Variants in AFG1L observed in about 807,000 individuals in gnomAD.
The protein encoded by AFG1L is AFG1 like ATPase.
In AFG1L, 53 loss-of-function variants were observed where a neutral mutation model predicts 62.2. That is an observed-to-expected ratio of 0.85 (90% confidence interval 0.68 to 1.07). The LOEUF (loss-of-function observed/expected upper bound fraction) is 1.07. AFG1L is among the 50% of genes least tolerant of loss of function. AFG1L has a pLI of 0.00. For synonymous variants in AFG1L, 228 were observed against 210.3 expected (o/e 1.08, Z -0.73); for missense variants, 555 against 590.5 (o/e 0.94, Z 0.62).
chr6:108,477,234 G>T lies in AFG1L; in HGVS notation c.1004G>T (p.Arg335Leu). The change falls in exon 10 of 13, where the codon CGC becomes CTC. Residue 335 changes from arginine to leucine, a missense_variant. Arg to Leu is a moderately radical substitution (Grantham distance 102, BLOSUM62 -2). Transcript: ENST00000368977. Reference protein sequence around the residue: ...RILKVQGRELRLNKACGTVAD... With the variant: ...RILKVQGRELLLNKACGTVAD... ...CTAAAAGTGCAAGGCAGAGAGCTGC[G>T]CCTGAATAAAGCCTGTGGAACCGTT... The T allele has an allele frequency of 1.2e-6, 2 of 1,609,610 alleles. No individual in the cohort carries two copies. The highest frequency in any genetic ancestry group is 1.7e-6 in the Non-Finnish European group (2 of 1,177,080).
At chr6:108,391,376 C>T (rs1453937953) in intron 6 of AFG1L, among the ~76,000 whole-genome samples, 1 of 152,226 alleles carries the variant, frequency 6.6e-6, no homozygotes, top group East Asian at 1.9e-4. Context: ...TTTCCCTGAT[C>T]ATTAGTGATG....
At chr6:108,297,944 T>C (rs889525716) in intron 1 of AFG1L, among the ~76,000 whole-genome samples, 1 of 151,764 alleles carries the variant, frequency 6.6e-6, no homozygotes, top group African/African-American at 2.4e-5. Flanking sequence ...GCATATGGAA[T>C]TATGGTAGCC....
Position 108,451,897 on chromosome 6 carries a change from T to G in AFG1L, c.890+4601T>G, listed in dbSNP as rs756962900. ...ACCCGGCTAATTTTTGTATTTTTAG[T>G]GGAGACGGGGTTTTGCCAGATTTGC... On this transcript the variant is annotated intron_variant, in intron 8 of 12. Coordinates refer to ENST00000368977, the MANE Select transcript of AFG1L (RefSeq NM_145315.5). Among the ~76,000 whole-genome samples the G allele has an allele frequency of 9.2e-5, 14 of 152,096 alleles. 1 individual carries two copies. Among genetic ancestry groups the G allele is most frequent in the Non-Finnish European group, 1.9e-4 (13 of 68,006 alleles).
chr6:108,382,623 AG>A (rs1340229641), intron 6 of AFG1L, among the ~76,000 whole-genome samples: 1 of 152,242 alleles, frequency 6.6e-6, no homozygotes. Flanking sequence ...GTAAATGAAT[AG>A]TTCCTTAATA....
At chr6:108,412,879 A>C (rs1050127342) in intron 7 of AFG1L, among the ~76,000 whole-genome samples, 4 of 152,246 alleles carry the variant, frequency 2.6e-5, no homozygotes, top group African/African-American at 4.8e-5. Context: ...ATAACCAGCT[A>C]ACATCATAAT....
intron 10 of AFG1L, among the ~76,000 whole-genome samples, chr6:108,505,198 A>G (rs1774355634): frequency 6.6e-6 from 1 of 150,928 alleles, no homozygotes; most frequent in Non-Finnish European, 1.5e-5. Flanking sequence ...GGTTCAAGCG[A>G]TTCTCCTGCC....
chr6:108,375,849 C>A (rs1011072097), intron 6 of AFG1L, among the ~76,000 whole-genome samples: 3 of 152,042 alleles, frequency 2.0e-5, no homozygotes, highest in Non-Finnish European at 4.4e-5. Context: ...AGGGAGGAGT[C>A]TCTCCTCAGT....
At chr6:108,378,018 T>C (rs947585051) in intron 6 of AFG1L, among the ~76,000 whole-genome samples, 1 of 151,534 alleles carries the variant, frequency 6.6e-6, no homozygotes, top group Non-Finnish European at 1.5e-5. Flanking sequence ...ATTTTACTTA[T>C]TTTTAAAAAT....
At chr6:108,382,857 C>T (rs531644806) in intron 6 of AFG1L, among the ~76,000 whole-genome samples, 4 of 152,272 alleles carry the variant, frequency 2.6e-5, no homozygotes, top group African/African-American at 9.6e-5. Flanking sequence ...CAGAATTAGA[C>T]CTTGTTCAAG....
chr6:108,405,177 T>C (rs1236679800), intron 7 of AFG1L, among the ~76,000 whole-genome samples: 1 of 152,230 alleles, frequency 6.6e-6, no homozygotes, highest in Non-Finnish European at 1.5e-5. Context: ...TTCTAACGTC[T>C]CTGCCATCTT....
chr6:108,431,742 C>T (rs775447818), intron 7 of AFG1L, among the ~76,000 whole-genome samples: 13 of 151,636 alleles, frequency 8.6e-5, no homozygotes, highest in Non-Finnish European at 1.8e-4. Flanking sequence ...GCCACCACAC[C>T]TGGCTAATTT....
intron 10 of AFG1L, among the ~76,000 whole-genome samples, chr6:108,484,199 C>T (rs1773437967): frequency 6.6e-6 from 1 of 152,184 alleles, no homozygotes; most frequent in Non-Finnish European, 1.5e-5. Context: ...TGGCCTTTTA[C>T]CTTCCCAGAA....
At position 108,427,281 on chromosome 6, in the gene AFG1L, G is replaced by A. The variant is rs572831417; in HGVS notation, c.808-19933G>A. 8.0e-4 allele frequency among the ~76,000 whole-genome samples: 122 copies of A among 151,904 alleles called. 1 individual carries two copies. The Middle Eastern group carries it at 0.01, about 13-fold the overall frequency. Reference sequence around the variant, plus strand: ...CTTTTTTATTTTCTGTAGAGATGGTGTCTTGCTATGTTGCCCAGGCTGGTC... The same window carrying A: ...CTTTTTTATTTTCTGTAGAGATGGTATCTTGCTATGTTGCCCAGGCTGGTC... On this transcript the variant is annotated intron_variant, in intron 7 of 12. Transcript: ENST00000368977.
At position 108,428,794 on chromosome 6, in the gene AFG1L, ATTAT is replaced by A. The variant is rs1278537149; in HGVS notation, c.808-18417_808-18414del. 4.6e-5 allele frequency among the ~76,000 whole-genome samples: 7 copies of A among 151,916 alleles called. No individual in the cohort carries two copies. In the East Asian group the frequency reaches 7.7e-4, roughly 17 times the overall value. ...GTGTTATTTTTCAACTTTTGATGAGATTATTTGTTTTTTTCTTTCTGATTTGCTT... is the reference window on the plus strand; with the variant it reads ...GTGTTATTTTTCAACTTTTGATGAGATTGTTTTTTTCTTTCTGATTTGCTT... On this transcript the variant is annotated intron_variant, in intron 7 of 12. Coordinates refer to ENST00000368977, the MANE Select transcript of AFG1L (RefSeq NM_145315.5).
Position 108,347,017 on chromosome 6 carries a change from C to T in AFG1L, c.393C>T (p.Gly131=), listed in dbSNP as rs1333502430. The T allele has an allele frequency of 2.5e-6, 4 of 1,612,970 alleles. No homozygotes were observed. Among genetic ancestry groups the T allele is most frequent in the Non-Finnish European group, 3.4e-6 (4 of 1,179,330 alleles). ...KLFSRSKPPR[G]LYVYGDVGTG... ...TTTCAAGGAGCAAACCTCCAAGGGG[C>T]CTGTATGTTTATGGAGATGTTGGTA... is the stretch of plus-strand genomic sequence containing the variant. Residue 131 remains glycine, a synonymous_variant, in exon 3 of 13, where the codon GGC becomes GGT. Transcript: ENST00000368977.
intron 7 of AFG1L, among the ~76,000 whole-genome samples, chr6:108,446,051 T>TACACACACACACAC (rs67384163): frequency 2.2e-4 from 31 of 141,890 alleles, no homozygotes; most frequent in African/African-American, 7.4e-4. Context: ...TATGTAGAGA[T>TACACACACACACAC]ACACACACAC....
At chr6:108,379,000 CTTT>C (rs931030207) in intron 6 of AFG1L, among the ~76,000 whole-genome samples, 95 of 123,074 alleles carry the variant, frequency 7.7e-4, no homozygotes, top group Non-Finnish European at 1.2e-3. Context: ...TCTCCTTCTT[CTTT>C]TTTTTTTTTT....
intron 4 of AFG1L, among the ~76,000 whole-genome samples, chr6:108,356,018 T>TA (rs916838404): frequency 3.9e-5 from 6 of 152,142 alleles, no homozygotes; most frequent in Non-Finnish European, 5.9e-5. Context: ...TAAGGGCCAA[T>TA]AAAAAAATGT....
intron 8 of AFG1L, among the ~76,000 whole-genome samples, chr6:108,460,951 C>T (rs924763515): frequency 1.3e-5 from 2 of 152,132 alleles, no homozygotes; most frequent in East Asian, 1.9e-4. Context: ...AGCGAGACTC[C>T]GTCTCAACAA....
Sources: gnomAD v4.1 joint callset for allele counts (sites outside exome capture counted in the v4.1 genomes callset) on GRCh38, gnomAD v4.1.1 for gene constraint, MANE v1.5 for transcripts, NCBI Gene and HGNC (gene_info 2026-07-23, HGNC 2026-07-21) for gene names.